The following ZNF385D variants were observed in gnomAD, a reference collection of about 807,000 sequenced individuals.
ZNF385D encodes the protein zinc finger protein 659.
Under a neutral mutation model 35.8 loss-of-function variants are expected in ZNF385D, and 15 were observed. That is an observed-to-expected ratio of 0.42 (90% CI 0.28 to 0.64). The LOEUF (loss-of-function observed/expected upper bound fraction) is 0.64, where lower values mean the gene tolerates loss of function less well. Among genes scored for constraint, ZNF385D ranks in the 30% least tolerant of loss-of-function variants. The pLI is 0.23. For missense variants in ZNF385D, 474 were observed against 494.6 expected (o/e 0.96, Z 0.39); for synonymous variants, 212 against 186.8 (o/e 1.13, Z -1.10).
At chr3:21,691,879 C>T (rs1662827681) in intron 1 of ZNF385D, among the ~76,000 whole-genome samples, 2 of 152,160 alleles carry the variant, frequency 1.3e-5, no homozygotes, top group South Asian at 4.1e-4. Context: ...TATACAATAA[C>T]TCTCCATTAT....
intron 3 of ZNF385D, among the ~76,000 whole-genome samples, chr3:21,860,989 G>C (rs571609196): frequency 1.3e-5 from 2 of 152,216 alleles, no homozygotes; most frequent in African/African-American, 4.8e-5. Flanking sequence ...CTGATATATG[G>C]TAAAGGTTTG....
intron 3 of ZNF385D, among the ~76,000 whole-genome samples, chr3:22,037,335 A>C (rs1365088087): frequency 2.0e-5 from 3 of 149,442 alleles, no homozygotes; most frequent in East Asian, 2.0e-4. Context: ...CCAACAGTGT[A>C]AAAGTGTTCC....
intron 1 of ZNF385D, among the ~76,000 whole-genome samples, chr3:21,684,654 T>C (rs535487024): frequency 2.6e-5 from 4 of 152,132 alleles, no homozygotes; most frequent in Non-Finnish European, 5.9e-5. Flanking sequence ...TATCCATAGT[T>C]TGATTTTTCT....
At chr3:21,624,802 C>G (rs1444122488) in intron 2 of ZNF385D, among the ~76,000 whole-genome samples, 1 of 152,004 alleles carries the variant, frequency 6.6e-6, no homozygotes, top group Non-Finnish European at 1.5e-5. Context: ...CAACTGAAGT[C>G]ACTCCGCAGC....
chr3:21,847,931 G>C (rs912822551), intron 3 of ZNF385D, among the ~76,000 whole-genome samples: 1 of 151,882 alleles, frequency 6.6e-6, no homozygotes, highest in African/African-American at 2.4e-5. Context: ...CAGATACCTA[G>C]GACATTTTCA....
rs147970090 is a variant in ZNF385D, at chr3:21,886,832, A to G, written c.326-221804T>C. On this transcript the variant is annotated intron_variant, in intron 3 of 5. Coordinates refer to the ZNF385D transcript ENST00000494108. ...TATTTTTAAATAGTTCTCCCTACCT[A>G]ATGACATTAACTTAATTTTTCCCTG... Among the ~76,000 whole-genome samples the G allele has an allele frequency of 1.6e-4, 24 of 152,178 alleles. No individual in the cohort carries two copies. In the East Asian group the frequency reaches 4.1e-3, roughly 26 times the overall value.
intron 3 of ZNF385D, among the ~76,000 whole-genome samples, chr3:21,516,692 G>C (rs1707588921): frequency 6.6e-6 from 1 of 152,090 alleles, no homozygotes; most frequent in South Asian, 2.1e-4. Flanking sequence ...TCTACTCTTG[G>C]GGTTTACTAA....
intron 2 of ZNF385D, among the ~76,000 whole-genome samples, chr3:22,287,865 T>C (rs369969303): frequency 2.6e-5 from 4 of 152,008 alleles, no homozygotes; most frequent in African/African-American, 9.7e-5. Context: ...TACATTCACA[T>C]GTTTTCTTTT....
At chr3:21,555,026 C>T (rs2062684418) in intron 3 of ZNF385D, among the ~76,000 whole-genome samples, 1 of 152,176 alleles carries the variant, frequency 6.6e-6, no homozygotes, top group Non-Finnish European at 1.5e-5. Context: ...AGTAGTACAT[C>T]TAATTACCTT....
chr3:21,671,586 C>T (rs1048352636), intron 1 of ZNF385D, among the ~76,000 whole-genome samples: 2 of 152,022 alleles, frequency 1.3e-5, no homozygotes, highest in East Asian at 3.9e-4. Context: ...CAGAAAGAAA[C>T]TGAACAACTC....
At chr3:21,823,412 A>C (rs145475911) in intron 3 of ZNF385D, among the ~76,000 whole-genome samples, 1 of 150,344 alleles carries the variant, frequency 6.7e-6, no homozygotes, top group East Asian at 1.9e-4. Flanking sequence ...TGTCCAGTGC[A>C]TGTGTATGCC....
intron 2 of ZNF385D, among the ~76,000 whole-genome samples, chr3:22,172,298 T>C (rs1488291160): frequency 6.6e-6 from 1 of 152,240 alleles, no homozygotes; most frequent in Non-Finnish European, 1.5e-5. Flanking sequence ...GTGTTTTAAT[T>C]TTCTAGATGT....
chr3:22,208,676 T>G (rs1203979392), intron 2 of ZNF385D, among the ~76,000 whole-genome samples: 1 of 151,342 alleles, frequency 6.6e-6, no homozygotes, highest in East Asian at 1.9e-4. Context: ...ATGTACCCCA[T>G]AAATATACAC....
At chr3:22,058,968 C>T (rs533320361) in intron 3 of ZNF385D, among the ~76,000 whole-genome samples, 6 of 152,036 alleles carry the variant, frequency 3.9e-5, no homozygotes, top group Non-Finnish European at 7.3e-5. Context: ...AGAATATAAT[C>T]GAATTCAGGG....
At chr3:21,978,003 G>T (rs374280475) in intron 3 of ZNF385D, among the ~76,000 whole-genome samples, 1 of 152,122 alleles carries the variant, frequency 6.6e-6, no homozygotes, top group Admixed American at 6.6e-5. Flanking sequence ...CCAAAGGAAA[G>T]AACTAGATAC....
chr3:21,852,911 C>G (rs1332959842), intron 3 of ZNF385D, among the ~76,000 whole-genome samples: 1 of 151,784 alleles, frequency 6.6e-6, no homozygotes, highest in East Asian at 1.9e-4. Flanking sequence ...AGAATAATCC[C>G]GTGAGGAAAA....
At chr3:22,108,319 G>A (rs1001409548) in intron 3 of ZNF385D, among the ~76,000 whole-genome samples, 18 of 151,622 alleles carry the variant, frequency 1.2e-4, no homozygotes, top group African/African-American at 3.9e-4. Context: ...TTTCTTGGAA[G>A]ATGTGTTTAT....
At chr3:22,084,730 T>C (rs978872622) in intron 3 of ZNF385D, among the ~76,000 whole-genome samples, 3 of 152,208 alleles carry the variant, frequency 2.0e-5, no homozygotes, top group Non-Finnish European at 2.9e-5. Flanking sequence ...GCAGACCTAA[T>C]AGACATCTAC....
intron 3 of ZNF385D, among the ~76,000 whole-genome samples, chr3:21,982,097 T>TTTTA (rs1553712680): frequency 5.8e-5 from 8 of 138,278 alleles, no homozygotes; most frequent in Admixed American, 2.8e-4. Flanking sequence ...TTTTTTTTTT[T>TTTTA]AATTCTGTGA....
Sources: gnomAD v4.1 joint callset for allele counts (sites outside exome capture counted in the v4.1 genomes callset) on GRCh38, gnomAD v4.1.1 for gene constraint, MANE v1.5 for transcripts, NCBI Gene and HGNC (gene_info 2026-07-23, HGNC 2026-07-21) for gene names.